Variants in STXBP5 observed in about 807,000 individuals in gnomAD.
STXBP5 encodes the protein syntaxin binding protein 5.
In STXBP5, 50 loss-of-function variants were observed where a neutral mutation model predicts 152.4. That is an observed-to-expected ratio of 0.33 (90% confidence interval 0.26 to 0.42). STXBP5 has a LOEUF of 0.42. Ranked by LOEUF, STXBP5 falls within the 10% of genes least tolerant of loss-of-function variation. The probability of loss-of-function intolerance (pLI) is 1.00; values close to 1 mark genes in which losing one functional copy is unlikely to be tolerated. For missense variants in STXBP5, 1,167 were observed against 1,388.6 expected (o/e 0.84, Z 2.54); for synonymous variants, 492 against 494.7 (o/e 0.99, Z 0.07).
At position 147,314,286 on chromosome 6, in the gene STXBP5, A is replaced by G; in HGVS notation, c.1316A>G (p.Asn439Ser). The change falls in exon 13 of 28, where the codon AAT becomes AGT. Residue 439 changes from asparagine (N) to serine (S), a missense_variant. By Grantham distance (46) the Asn-to-Ser change is conservative. Transcript: ENST00000321680. ...TAGGAATGGCCCATCAACGGAGGTA[A>G]TTGGGGCTTGGGTGCTCAAAGTTAC... ...SKKEWPINGG[N>S]WGLGAQSYPE... is the part of the protein sequence containing the mutation. The G allele has an allele frequency of 6.2e-7, 1 of 1,612,614 alleles. No individual in the cohort carries two copies. Among genetic ancestry groups the G allele is most frequent in the Non-Finnish European group, 8.5e-7 (1 of 1,178,804 alleles).
At chr6:147,348,477 C>A (rs537799346) in intron 21 of STXBP5, among the ~76,000 whole-genome samples, 2 of 152,182 alleles carry the variant, frequency 1.3e-5, no homozygotes, top group East Asian at 3.9e-4. Context: ...GCACTCAATA[C>A]AGTAACAAAA....
chr6:147,232,775 AT>A (rs1176056830), intron 2 of STXBP5, among the ~76,000 whole-genome samples: 14 of 151,880 alleles, frequency 9.2e-5, no homozygotes, highest in Admixed American at 9.2e-4. Flanking sequence ...AATTATTTTT[AT>A]CATGTTAGCT....
At chr6:147,234,013 A>G (rs1778148248) in intron 2 of STXBP5, among the ~76,000 whole-genome samples, 1 of 151,514 alleles carries the variant, frequency 6.6e-6, no homozygotes, top group Non-Finnish European at 1.5e-5. Context: ...AAAACTCTTG[A>G]AAATGAATAC....
intron 9 of STXBP5, among the ~76,000 whole-genome samples, chr6:147,305,966 T>C (rs1470632166): frequency 1.3e-5 from 2 of 152,230 alleles, no homozygotes; most frequent in African/African-American, 4.8e-5. Context: ...GACAATGTCA[T>C]ATGAGATTGA....
intron 2 of STXBP5, among the ~76,000 whole-genome samples, chr6:147,208,772 T>G (rs1776700304): frequency 6.6e-6 from 1 of 152,150 alleles, no homozygotes; most frequent in Non-Finnish European, 1.5e-5. Flanking sequence ...TTTACTAAAT[T>G]GATTTATCTA....
At chr6:147,337,092 T>A (rs1480204883) in intron 19 of STXBP5, among the ~76,000 whole-genome samples, 4 of 151,924 alleles carry the variant, frequency 2.6e-5, no homozygotes, top group Non-Finnish European at 5.9e-5. Context: ...TTTCATTTGA[T>A]CCTTACATCA....
chr6:147,253,849 C>T (rs998740770), intron 4 of STXBP5, among the ~76,000 whole-genome samples: 2 of 152,066 alleles, frequency 1.3e-5, no homozygotes, highest in African/African-American at 4.8e-5. Context: ...GAATCAATAT[C>T]GTGAAAATGG....
At chr6:147,354,246 G>A (rs555669760) in intron 22 of STXBP5, among the ~76,000 whole-genome samples, 3 of 152,140 alleles carry the variant, frequency 2.0e-5, no homozygotes, top group South Asian at 2.1e-4. Flanking sequence ...ACTAATTTTA[G>A]CATTTCCAAA....
intron 26 of STXBP5, among the ~76,000 whole-genome samples, chr6:147,378,181 C>A (rs1785904719): frequency 6.6e-6 from 1 of 151,992 alleles, no homozygotes; most frequent in African/African-American, 2.4e-5. Context: ...CACACAAACT[C>A]TTCCAAAAGA....
intron 2 of STXBP5, among the ~76,000 whole-genome samples, chr6:147,219,685 T>C (rs998184922): frequency 4.6e-5 from 7 of 152,212 alleles, no homozygotes; most frequent in African/African-American, 1.7e-4. Flanking sequence ...GATTTGTTTT[T>C]AGTATTCCTT....
chr6:147,384,688 T>C, intron 27 of STXBP5, 26 bp from the exon 28 acceptor site: 1 of 1,601,828 alleles, frequency 6.2e-7, no homozygotes, highest in Non-Finnish European at 8.5e-7. Flanking sequence ...TTTAAAAGCA[T>C]GTTTTTCTTT....
At chr6:147,227,301 G>C (rs558124004) in intron 2 of STXBP5, among the ~76,000 whole-genome samples, 29 of 152,194 alleles carry the variant, frequency 1.9e-4, no homozygotes, top group African/African-American at 1.4e-4. Flanking sequence ...GCATATACAT[G>C]GTGTAAAGAT....
intron 9 of STXBP5, among the ~76,000 whole-genome samples, chr6:147,300,268 C>G (rs1781741523): frequency 6.6e-6 from 1 of 151,978 alleles, no homozygotes; most frequent in African/African-American, 2.4e-5. Flanking sequence ...TATCAAAAAC[C>G]AATGACATTG....
chr6:147,223,794 CTGG>C, intron 2 of STXBP5, among the ~76,000 whole-genome samples: 1 of 152,134 alleles, frequency 6.6e-6, no homozygotes, highest in Non-Finnish European at 1.5e-5. Flanking sequence ...TTGAGAAATA[CTGG>C]TTTAAGTGTT....
At position 147,315,510 on chromosome 6, in the gene STXBP5, T is replaced by A; in HGVS notation, c.1403-5T>A. The A allele has an allele frequency of 6.4e-7, 1 of 1,574,002 alleles. No homozygotes were observed. The highest frequency in any genetic ancestry group is 8.7e-7 in the Non-Finnish European group (1 of 1,147,958). ...AGTATCTGACATATATTATCTTTTT[T>A]CCAGTAACTCTACAAGTATTATATA... On this transcript the variant is annotated splice_polypyrimidine_tract_variant and splice_region_variant and intron_variant, in intron 14 of 27. Transcript: ENST00000321680.
chr6:147,313,940 G>C lies in STXBP5; in HGVS notation c.1202G>C (p.Cys401Ser). Reference protein sequence around the residue: ...PLSIHESPVTCCEYFADCPVD... With the variant: ...PLSIHESPVTSCEYFADCPVD... ...AGTATACATGAGTCCCCTGTTACAT[G>C]TTGCGAATATTTTGCGGATTGTCCT... Residue 401 changes from cysteine to serine, a missense_variant, in exon 12 of 28, where the codon TGT (cysteine) becomes TCT (serine). Physicochemically the swap from Cys to Ser is moderately radical, Grantham distance 112. Transcript: ENST00000321680. 1 of 1,602,712 alleles carries C rather than the reference G, an allele frequency of 6.2e-7. No individual in the cohort carries two copies. Among genetic ancestry groups the C allele is most frequent in the Non-Finnish European group, 8.5e-7 (1 of 1,172,312 alleles).
At chr6:147,268,829 T>C (rs1780015838) in intron 7 of STXBP5, among the ~76,000 whole-genome samples, 1 of 152,152 alleles carries the variant, frequency 6.6e-6, no homozygotes, top group Admixed American at 6.5e-5. Context: ...AGACAGCAGG[T>C]CATGTAGAAC....
At chr6:147,227,440 T>C (rs922883316) in intron 2 of STXBP5, among the ~76,000 whole-genome samples, 2 of 152,186 alleles carry the variant, frequency 1.3e-5, no homozygotes, top group African/African-American at 4.8e-5. Context: ...ATAAAATCTC[T>C]TGCCAATGTT....
chr6:147,253,302 C>T (rs1300635251), intron 4 of STXBP5, among the ~76,000 whole-genome samples: 2 of 152,144 alleles, frequency 1.3e-5, no homozygotes, highest in East Asian at 1.9e-4. Flanking sequence ...GTCGATGGAA[C>T]GTATCTCAAA....
Sources: allele counts gnomAD v4.1 joint callset (sites outside exome capture counted in the v4.1 genomes callset), GRCh38; gene constraint gnomAD v4.1.1; transcripts MANE v1.5; gene names NCBI Gene and HGNC (gene_info 2026-07-23, HGNC 2026-07-21).